The following ATCAY variants were observed in gnomAD, a reference collection of about 807,000 sequenced individuals.
ATCAY encodes ATCAY kinesin light chain interacting caytaxin, also known as caytaxin.
In ATCAY, 22 loss-of-function variants were observed where a neutral mutation model predicts 47.7. That is an observed-to-expected ratio of 0.46 (90% CI 0.33 to 0.66). ATCAY has a LOEUF of 0.66. ATCAY is among the 30% of genes least tolerant of loss of function. ATCAY has a pLI of 0.02. For missense variants in ATCAY, 452 were observed against 515.0 expected (o/e 0.88, Z 1.18); for synonymous variants, 216 against 207.6 (o/e 1.04, Z -0.35).
intron 12 of ATCAY, among the ~76,000 whole-genome samples, chr19:3,924,351 G>A (rs2145271418): frequency 6.6e-6 from 1 of 152,256 alleles, no homozygotes; most frequent in Middle Eastern, 3.4e-3. Context: ...GGCTGATTGA[G>A]GTTGCCAGTC....
chr19:3,882,939 G>T (rs779018562), intron 1 of ATCAY, among the ~76,000 whole-genome samples: 6 of 151,440 alleles, frequency 4.0e-5, no homozygotes, highest in Non-Finnish European at 7.4e-5. Context: ...CCACCATTGT[G>T]CTTGGTTAGT....
chr19:3,881,867 C>CT (rs944093776), intron 1 of ATCAY, among the ~76,000 whole-genome samples: 1 of 109,438 alleles, frequency 9.1e-6, no homozygotes, highest in African/African-American at 5.3e-5. Context: ...GCTGCCACCG[C>CT]CCCCCCCCCG....
Position 3,902,236 on chromosome 19 carries a change from C to A in ATCAY, c.78-251C>A, listed in dbSNP as rs112291475. Among the ~76,000 whole-genome samples the A allele has an allele frequency of 9.3e-3, 1,414 of 151,938 alleles. 8 individuals carry two copies. Among genetic ancestry groups the A allele is most frequent in the Non-Finnish European group, 0.014 (960 of 67,956 alleles). ...ACTCAGGAGGCTGAGGCAGGAGGAT[C>A]TCTTGAGCCCAGGAGGTTGAGGCTG... On this transcript the variant is annotated intron_variant, in intron 2 of 12. Transcript: ENST00000450849.
chr19:3,899,561 C>T (rs2038797633), intron 2 of ATCAY, among the ~76,000 whole-genome samples: 1 of 151,940 alleles, frequency 6.6e-6, no homozygotes, highest in Non-Finnish European at 1.5e-5. Flanking sequence ...GTGATCCGCC[C>T]GCCTCGGCCT....
At chr19:3,919,506 C>A (rs942486439) in intron 11 of ATCAY, among the ~76,000 whole-genome samples, 1 of 151,966 alleles carries the variant, frequency 6.6e-6, no homozygotes, top group African/African-American at 2.4e-5. Context: ...GCAGGAGAAT[C>A]ACTTGAACCT....
intron 9 of ATCAY, among the ~76,000 whole-genome samples, chr19:3,916,576 C>G (rs1439595180): frequency 3.9e-5 from 6 of 152,206 alleles, no homozygotes; most frequent in Non-Finnish European, 7.3e-5. Flanking sequence ...TCGCTGCAAC[C>G]TCCACCTCCC....
intron 2 of ATCAY, among the ~76,000 whole-genome samples, chr19:3,892,053 C>A (rs1288496079): frequency 2.0e-5 from 3 of 151,994 alleles, no homozygotes; most frequent in Non-Finnish European, 4.4e-5. Context: ...CCACGCCCAG[C>A]TAATTTTTGT....
At chr19:3,912,692 C>A (rs1488887158) in intron 8 of ATCAY, among the ~76,000 whole-genome samples, 2 of 151,568 alleles carry the variant, frequency 1.3e-5, no homozygotes, top group East Asian at 3.9e-4. Flanking sequence ...CCAGTCTGGG[C>A]AACATAGCAA....
intron 2 of ATCAY, among the ~76,000 whole-genome samples, chr19:3,897,262 G>GCTATATATATATATATATATAGCAAAAT (rs2038777500): frequency 8.0e-6 from 1 of 124,782 alleles, no homozygotes; most frequent in Non-Finnish European, 1.7e-5. Flanking sequence ...TTTGAAGTTT[G>GCTATATATATATATATATATAGCAAAAT]CTATATATAT....
intron 2 of ATCAY, among the ~76,000 whole-genome samples, chr19:3,888,326 G>C (rs1391859172): frequency 1.3e-5 from 2 of 152,044 alleles, no homozygotes; most frequent in Admixed American, 6.6e-5. Context: ...GCCTGAAAAA[G>C]AGAATTGGAA....
Position 3,907,768 on chromosome 19 carries a change from C to G in ATCAY, c.393C>G (p.Pro131=). 1 of 1,614,010 alleles carries G rather than the reference C, an allele frequency of 6.2e-7. No homozygotes were observed. The highest frequency in any genetic ancestry group is 8.5e-7 in the Non-Finnish European group (1 of 1,179,880). ...DTPVATAKNM[P]GDSADLFGDG... ...CCGTGGCCACCGCCAAGAACATGCC[C>G]GGGGACAGCGCGGATCTATTTGGGG... The change falls in exon 5 of 13, where the codon CCC becomes CCG. Residue 131 remains proline (P), a synonymous_variant. Transcript: ENST00000450849. The surrounding 1 kb of genome is among the most constrained non-coding windows in gnomAD (Gnocchi z 5.1).
chr19:3,917,848 G>A, intron 10 of ATCAY, 71 bp downstream of exon 10: 1 of 1,544,508 alleles, frequency 6.5e-7, no homozygotes, highest in Non-Finnish European at 8.8e-7. Flanking sequence ...CTCAGTTAGG[G>A]CAACCCGGTG....
At chr19:3,884,531 C>T (rs1387096285) in intron 1 of ATCAY, among the ~76,000 whole-genome samples, 1 of 152,114 alleles carries the variant, frequency 6.6e-6, no homozygotes, top group African/African-American at 2.4e-5. Flanking sequence ...TGAAGTATAT[C>T]AGCCATTCAC....
At chr19:3,884,835 C>T (rs908950044) in intron 1 of ATCAY, among the ~76,000 whole-genome samples, 15 of 151,824 alleles carry the variant, frequency 9.9e-5, no homozygotes, top group African/African-American at 3.4e-4. Flanking sequence ...AGTGGTTTAC[C>T]CTTGTAATCT....
intron 2 of ATCAY, among the ~76,000 whole-genome samples, chr19:3,889,336 G>A (rs913972830): frequency 9.9e-5 from 15 of 152,184 alleles, no homozygotes; most frequent in Non-Finnish European, 1.5e-4. Context: ...TCGCTTGAAC[G>A]CGGGAGGCGG....
chr19:3,908,311 C>A lies in ATCAY; in HGVS notation c.588C>A (p.Ala196=). 1 of 1,593,328 alleles carries A rather than the reference C, an allele frequency of 6.3e-7. No individual in the cohort carries two copies. The highest frequency in any genetic ancestry group is 8.5e-7 in the Non-Finnish European group (1 of 1,169,908). The change falls in exon 6 of 13, where the codon GCC becomes GCA. Residue 196 remains alanine, a synonymous_variant. Coordinates refer to ENST00000450849, the MANE Select transcript of ATCAY (RefSeq NM_033064.5). ...TCAACGCCATCATCGTCTTCGCAGCCTGCTTCCTTCCAGACAGCAGCCTCC... is the reference window on the plus strand; with the variant it reads ...TCAACGCCATCATCGTCTTCGCAGCATGCTTCCTTCCAGACAGCAGCCTCC... ...EGLNAIIVFA[A]CFLPDSSLPD... is the part of the protein sequence containing the mutation.
At chr19:3,885,587 A>C (rs2145219167) in intron 1 of ATCAY, 140 bp from the exon 2 acceptor site, 1 of 529,228 alleles carries the variant, frequency 1.9e-6, no homozygotes, top group Non-Finnish European at 3.3e-6. Flanking sequence ...AGGAGAGAGG[A>C]GAGGAGAAAG....
chr19:3,915,601 G>A (rs1187383491), intron 9 of ATCAY, among the ~76,000 whole-genome samples: 1 of 150,644 alleles, frequency 6.6e-6, no homozygotes, highest in Non-Finnish European at 1.5e-5. Context: ...GCCCAGGCTG[G>A]AGTGCAGTGG....
intron 8 of ATCAY, among the ~76,000 whole-genome samples, chr19:3,911,900 A>T (rs1452244022): frequency 6.6e-6 from 1 of 152,208 alleles, no homozygotes; most frequent in East Asian, 1.9e-4. Context: ...GTTTTCAAGG[A>T]CTGCTAAGTA....
Sources: allele counts gnomAD v4.1 joint callset (sites outside exome capture counted in the v4.1 genomes callset), GRCh38; gene constraint gnomAD v4.1.1; non-coding constraint Gnocchi (gnomAD v3.1); transcripts MANE v1.5; gene names NCBI Gene and HGNC (gene_info 2026-07-23, HGNC 2026-07-21).